Variants in ZNRF2 observed in about 807,000 individuals in gnomAD.
ZNRF2 encodes E3 ubiquitin-protein ligase ZNRF2.
ZNRF2 carries 16 observed loss-of-function variants against 20.4 expected under a neutral mutation model. The ratio of observed to expected loss-of-function variants is 0.79; its 90% CI spans 0.53 to 1.19. The LOEUF (loss-of-function observed/expected upper bound fraction) is 1.19. Among genes scored for constraint, ZNRF2 ranks in the 50% most tolerant of loss-of-function variants. ZNRF2 has a pLI of 0.00. For missense variants in ZNRF2, 363 were observed against 332.4 expected (o/e 1.09, Z -0.72); for synonymous variants, 178 against 144.9 (o/e 1.23, Z -1.64).
chr7:30,286,654 A>G (rs7794353), intron 1 of ZNRF2, among the ~76,000 whole-genome samples: 1,747 of 152,284 alleles, frequency 0.011, 32 homozygotes, highest in African/African-American at 0.039. Flanking sequence ...CCTGGGGAAA[A>G]TGAATCCTAC....
At chr7:30,309,367 C>T (rs1648939651) in intron 1 of ZNRF2, among the ~76,000 whole-genome samples, 1 of 152,144 alleles carries the variant, frequency 6.6e-6, no homozygotes, top group African/African-American at 2.4e-5. Flanking sequence ...TTAGAGTGCT[C>T]AGAAATTTAT....
chr7:30,366,543 G>A lies in ZNRF2; in HGVS notation c.*531G>A, dbSNP rs1473506075. Reference sequence around the variant, plus strand: ...AGTCTTAAATGTGAAACCAAGAAATGTAATCAAGCAGTAAAAACATCTGAA... The same window carrying A: ...AGTCTTAAATGTGAAACCAAGAAATATAATCAAGCAGTAAAAACATCTGAA... On this transcript the variant is annotated 3_prime_UTR_variant, in exon 5 of 5. Transcript: ENST00000323037. 6.6e-6 allele frequency: 1 copy of A among 152,432 alleles called. No homozygotes were observed. The highest frequency in any genetic ancestry group is 2.4e-5 in the African/African-American group (1 of 41,390). 9.4% of individuals were successfully genotyped at this position (152,432 alleles called of 1,614,324 possible). A position where few individuals can be genotyped will look rare whatever the true frequency, so the allele number is the denominator to read the frequency against.
chr7:30,336,638 G>C (rs1190469676), intron 2 of ZNRF2, among the ~76,000 whole-genome samples: 1 of 151,972 alleles, frequency 6.6e-6, no homozygotes, highest in Non-Finnish European at 1.5e-5. Flanking sequence ...CTTTGATTCA[G>C]AGATTATGTA....
chr7:30,355,191 G>A (rs1352506372), intron 2 of ZNRF2, among the ~76,000 whole-genome samples: 2 of 152,044 alleles, frequency 1.3e-5, no homozygotes, highest in Admixed American at 6.5e-5. Context: ...ATTTCCAAAA[G>A]TCTCTTTCAG....
intron 1 of ZNRF2, among the ~76,000 whole-genome samples, chr7:30,301,754 G>C (rs1477207215): frequency 1.4e-5 from 2 of 141,544 alleles, no homozygotes; most frequent in Non-Finnish European, 3.1e-5. Context: ...GAATATACTA[G>C]AGCGGGCAAA....
chr7:30,285,826 G>T lies in ZNRF2; in HGVS notation c.469G>T (p.Gly157Ter). The T allele has an allele frequency of 6.6e-7, 1 of 1,507,184 alleles. No homozygotes were observed. Among genetic ancestry groups the T allele is most frequent in the Non-Finnish European group, 8.8e-7 (1 of 1,137,138 alleles). The allele number at this position is 1,507,184 out of a possible 1,614,324, so 93.4% of individuals were successfully genotyped here. Reference protein sequence around the residue: ...PAHLSPHMFGGFKCPVCSKFV... With the variant: ...PAHLSPHMFG ...TCACCTCTCGCCGCACATGTTTGGA[G>T]GTACGGACCCCTCTCCGCGCACCCG... The change falls in exon 1 of 5, where the codon GGA becomes TGA. Residue 157 changes from glycine to a stop codon, truncating the protein, a stop_gained and splice_region_variant. Transcript: ENST00000323037. LOFTEE classifies it high-confidence loss of function.
chr7:30,351,399 G>A (rs1013927016), intron 2 of ZNRF2, among the ~76,000 whole-genome samples: 3 of 151,910 alleles, frequency 2.0e-5, no homozygotes, highest in Admixed American at 1.3e-4. Context: ...TTTCATCACC[G>A]TCCATAGTTC....
chr7:30,314,801 ATATGTATATATG>A (rs1562609831), intron 1 of ZNRF2, among the ~76,000 whole-genome samples: 1 of 149,912 alleles, frequency 6.7e-6, no homozygotes, highest in Non-Finnish European at 1.5e-5. Context: ...ATATATATAT[ATATGTATATATG>A]TATGTATGTA....
chr7:30,301,007 T>A (rs1187042259), intron 1 of ZNRF2, among the ~76,000 whole-genome samples: 1 of 152,202 alleles, frequency 6.6e-6, no homozygotes, highest in Non-Finnish European at 1.5e-5. Context: ...TTCTTATAGT[T>A]GTTACAACAA....
At chr7:30,350,878 T>C (rs1420429944) in intron 2 of ZNRF2, among the ~76,000 whole-genome samples, 1 of 152,078 alleles carries the variant, frequency 6.6e-6, no homozygotes, top group East Asian at 1.9e-4. Context: ...CGTTGTATTT[T>C]GCTGAAAAGA....
chr7:30,309,124 T>A (rs1799252767), intron 1 of ZNRF2, among the ~76,000 whole-genome samples: 1 of 152,130 alleles, frequency 6.6e-6, no homozygotes, highest in African/African-American at 2.4e-5. Flanking sequence ...CCTTTTTACT[T>A]TAAAAAGTTA....
chr7:30,291,856 G>A (rs1370809187), intron 1 of ZNRF2, among the ~76,000 whole-genome samples: 3 of 152,172 alleles, frequency 2.0e-5, no homozygotes, highest in Non-Finnish European at 4.4e-5. Flanking sequence ...GGAATCCAGA[G>A]GAGCAAGTAT....
At chr7:30,333,570 A>C (rs753213091) in intron 2 of ZNRF2, among the ~76,000 whole-genome samples, 1 of 151,880 alleles carries the variant, frequency 6.6e-6, no homozygotes, top group Non-Finnish European at 1.5e-5. Context: ...GGGTTTCACC[A>C]TGTTGGCCAG....
intron 4 of ZNRF2, among the ~76,000 whole-genome samples, chr7:30,365,073 T>G (rs1800188170): frequency 6.6e-6 from 1 of 151,084 alleles, no homozygotes; most frequent in African/African-American, 2.4e-5. Flanking sequence ...CTCTTAATAC[T>G]ATAGCACTGC....
intron 1 of ZNRF2, among the ~76,000 whole-genome samples, chr7:30,308,168 T>C (rs954835791): frequency 2.0e-5 from 3 of 152,218 alleles, no homozygotes; most frequent in Non-Finnish European, 2.9e-5. Context: ...GCCAGCTTGA[T>C]ATAAATGGAA....
chr7:30,303,144 G>A (rs534464916), intron 1 of ZNRF2, among the ~76,000 whole-genome samples: 31 of 151,874 alleles, frequency 2.0e-4, no homozygotes, highest in African/African-American at 6.8e-4. Context: ...TTATCCGGGC[G>A]TGGTAGTGCG....
At chr7:30,350,779 G>C (rs1799950044) in intron 2 of ZNRF2, among the ~76,000 whole-genome samples, 1 of 151,778 alleles carries the variant, frequency 6.6e-6, no homozygotes, top group Non-Finnish European at 1.5e-5. Context: ...TCACATTTCA[G>C]CTGCTTTTGT....
intron 1 of ZNRF2, among the ~76,000 whole-genome samples, chr7:30,287,601 T>C (rs962962001): frequency 1.3e-5 from 2 of 152,160 alleles, no homozygotes; most frequent in African/African-American, 4.8e-5. Context: ...CCTAGTTGCT[T>C]AAAGTTGGAG....
In ZNRF2 at chr7:30,313,161, A is replaced by G. The variant is rs554112883; in HGVS notation, c.470-10481A>G. Among the ~76,000 whole-genome samples, 3 of 152,330 alleles carry G rather than the reference A, an allele frequency of 2.0e-5. No homozygotes were observed. In the East Asian group the frequency reaches 5.8e-4, roughly 29 times the overall value. ...GGAAATGTGTTTGTTTAGAAACATTATTCTGGGACATTGAGCTTAATTGAG... is the reference window on the plus strand; with the variant it reads ...GGAAATGTGTTTGTTTAGAAACATTGTTCTGGGACATTGAGCTTAATTGAG... On this transcript the variant is annotated intron_variant, in intron 1 of 4. Coordinates refer to ENST00000323037, the MANE Select transcript of ZNRF2 (RefSeq NM_147128.4).
Sources: allele counts gnomAD v4.1 joint callset (sites outside exome capture counted in the v4.1 genomes callset), GRCh38; gene constraint gnomAD v4.1.1; transcripts MANE v1.5; gene names NCBI Gene and HGNC (gene_info 2026-07-23, HGNC 2026-07-21).